ZDHHC14: variants seen among roughly 807,000 people sequenced by gnomAD.
ZDHHC14 encodes zDHHC palmitoyltransferase 14, also known as palmitoyltransferase ZDHHC14.
In ZDHHC14, 16 loss-of-function variants were observed where a neutral mutation model predicts 47.7. That is an observed-to-expected ratio of 0.34 (90% confidence interval 0.23 to 0.51). ZDHHC14 has a LOEUF of 0.51. ZDHHC14 is among the 20% of genes least tolerant of loss of function. The pLI is 0.97. For missense variants in ZDHHC14, 515 were observed against 662.5 expected, an observed-to-expected ratio of 0.78 and a Z score of 2.44; for synonymous variants, 293 against 278.9, an observed-to-expected ratio of 1.05 and a Z score of -0.50.
At chr6:157,663,063 A>G (rs1219049413) in intron 8 of ZDHHC14, among the ~76,000 whole-genome samples, 1 of 152,214 alleles carries the variant, frequency 6.6e-6, no homozygotes, top group Non-Finnish European at 1.5e-5. Flanking sequence ...ACCAATTACA[A>G]AGTAAGTTGC....
intron 2 of ZDHHC14, among the ~76,000 whole-genome samples, chr6:157,565,568 C>G (rs2114848082): frequency 6.6e-6 from 1 of 152,196 alleles, no homozygotes; most frequent in East Asian, 1.9e-4. Context: ...CCTATAATCC[C>G]AGCACTTTGG....
At chr6:157,658,290 C>T (rs1778192506) in intron 8 of ZDHHC14, among the ~76,000 whole-genome samples, 1 of 152,164 alleles carries the variant, frequency 6.6e-6, no homozygotes, top group Non-Finnish European at 1.5e-5. Context: ...CTCAGTTTTC[C>T]TCATCTGCAA....
At chr6:157,584,218 C>G (rs377659197) in intron 2 of ZDHHC14, among the ~76,000 whole-genome samples, 4 of 152,260 alleles carry the variant, frequency 2.6e-5, no homozygotes, top group African/African-American at 7.2e-5. Flanking sequence ...GGAGGCTGCA[C>G]TGCTGGCCTG....
Position 157,672,888 on chromosome 6 carries a change from G to T in ZDHHC14, c.1233G>T (p.Pro411=), listed in dbSNP as rs201858513. 17 of 1,605,786 alleles carry T rather than the reference G, an allele frequency of 1.1e-5. No individual in the cohort carries two copies. The highest frequency in any genetic ancestry group is 1.4e-5 in the Non-Finnish European group (17 of 1,177,544). The stretch of plus-strand genomic sequence containing the variant: ...GCCTCACACTGGGCCCGCCCACACC[G>T]CCCGCCTCCATGCCCAACCTCGCCG... The part of the protein sequence containing the change: ...CASLTLGPPT[P]PASMPNLAEA... The change falls in exon 9 of 9, where the codon CCG becomes CCT. Residue 411 remains proline (P), a synonymous_variant. Coordinates refer to ENST00000359775, the MANE Select transcript of ZDHHC14 (RefSeq NM_024630.3).
intron 2 of ZDHHC14, among the ~76,000 whole-genome samples, chr6:157,549,073 T>C (rs1782107854): frequency 6.6e-6 from 1 of 152,220 alleles, no homozygotes; most frequent in South Asian, 2.1e-4. Flanking sequence ...GTCCAACACC[T>C]GCCTATCTGA....
At chr6:157,665,722 TA>T (rs1391213624) in intron 8 of ZDHHC14, among the ~76,000 whole-genome samples, 2 of 152,216 alleles carry the variant, frequency 1.3e-5, no homozygotes, top group Non-Finnish European at 2.9e-5. Flanking sequence ...AGGTCTTATT[TA>T]TTATCTCAAA....
At chr6:157,387,349 T>C (rs1163490815) in intron 1 of ZDHHC14, among the ~76,000 whole-genome samples, 2 of 152,230 alleles carry the variant, frequency 1.3e-5, no homozygotes, top group Non-Finnish European at 2.9e-5. Context: ...ACGACGTCTC[T>C]GTTATAGATG....
chr6:157,402,200 G>A (rs2114747725), intron 1 of ZDHHC14, among the ~76,000 whole-genome samples: 1 of 151,776 alleles, frequency 6.6e-6, no homozygotes, highest in Middle Eastern at 3.4e-3. Flanking sequence ...GCAGAAGTGA[G>A]ATGCGCATCT....
At chr6:157,457,168 C>A (rs1778937605) in intron 1 of ZDHHC14, among the ~76,000 whole-genome samples, 1 of 78,504 alleles carries the variant, frequency 1.3e-5, no homozygotes, top group African/African-American at 5.4e-5. Flanking sequence ...GAGTGAAACT[C>A]CATCTAAAAA....
intron 1 of ZDHHC14, among the ~76,000 whole-genome samples, chr6:157,492,869 C>T (rs147419000): frequency 1.2e-4 from 18 of 151,962 alleles, no homozygotes; most frequent in Non-Finnish European, 1.5e-5. Flanking sequence ...AGGCAAGGCG[C>T]GCCCTGGGAG....
chr6:157,516,967 C>T (rs765808155), intron 1 of ZDHHC14, among the ~76,000 whole-genome samples: 1 of 152,164 alleles, frequency 6.6e-6, no homozygotes, highest in Non-Finnish European at 1.5e-5. Context: ...TTTCAGAAAG[C>T]TCTAGCAACA....
At chr6:157,435,687 G>A (rs1778427458) in intron 1 of ZDHHC14, among the ~76,000 whole-genome samples, 2 of 152,042 alleles carry the variant, frequency 1.3e-5, no homozygotes, top group African/African-American at 2.4e-5. Flanking sequence ...CTACAAGTGT[G>A]TGCCCCCATG....
rs142355940 is a variant in ZDHHC14, at chr6:157,653,525, C to A, written c.966C>A (p.Ser322Arg). The A allele has an allele frequency of 6.2e-7, 1 of 1,613,658 alleles. No individual in the cohort carries two copies. The highest frequency in any genetic ancestry group is 8.5e-7 in the Non-Finnish European group (1 of 1,179,884). ...CVALCGPISPSLIDRRGYIQP... is the reference protein window; with the variant it reads ...CVALCGPISPRLIDRRGYIQP... ...TGCTGTGTTTTCTTTTCTCTCGCAG[C>A]CTGATCGACAGAAGAGGGTACATCC... Residue 322 changes from serine to arginine, a missense_variant and splice_region_variant, in exon 8 of 9, where the codon AGC becomes AGA. Around this residue, in one of 4 missense-constraint regions of ZDHHC14, gnomAD observed 229 missense variants for 351.5 expected, o/e 0.65. Transcript: ENST00000359775.
At chr6:157,527,810 C>T (rs1781213712) in intron 1 of ZDHHC14, among the ~76,000 whole-genome samples, 1 of 152,184 alleles carries the variant, frequency 6.6e-6, no homozygotes, top group African/African-American at 2.4e-5. Flanking sequence ...TTCTTTAGGG[C>T]TCCAGTTATT....
chr6:157,572,634 T>C (rs555506610), intron 2 of ZDHHC14, among the ~76,000 whole-genome samples: 1 of 126,232 alleles, frequency 7.9e-6, no homozygotes, highest in Non-Finnish European at 1.7e-5. Flanking sequence ...CCTAATGCTA[T>C]CCCTCCCCCC....
At chr6:157,465,859 C>T (rs2006067) in intron 1 of ZDHHC14, among the ~76,000 whole-genome samples, 117,719 of 151,974 alleles carry the variant, frequency 0.77, 45,909 homozygotes, top group East Asian at 0.92. Context: ...CTGGCCCACA[C>T]GGCGAAACCC....
At chr6:157,434,236 AATTCT>A (rs1778396792) in intron 1 of ZDHHC14, among the ~76,000 whole-genome samples, 1 of 149,900 alleles carries the variant, frequency 6.7e-6, no homozygotes, top group Admixed American at 6.6e-5. Flanking sequence ...ATATATATAT[AATTCT>A]TTTATATGTT....
chr6:157,658,956 G>A (rs974000407), intron 8 of ZDHHC14, among the ~76,000 whole-genome samples: 1 of 152,062 alleles, frequency 6.6e-6, no homozygotes, highest in South Asian at 2.1e-4. Flanking sequence ...TTCTCCATGG[G>A]TATTGTTTTG....
chr6:157,473,975 C>G (rs989794314), intron 1 of ZDHHC14, among the ~76,000 whole-genome samples: 2 of 149,258 alleles, frequency 1.3e-5, no homozygotes, highest in African/African-American at 4.9e-5. Context: ...CAACCTATAC[C>G]ATATTTTCTT....
Sources: allele counts gnomAD v4.1 joint callset (sites outside exome capture counted in the v4.1 genomes callset), GRCh38; gene constraint gnomAD v4.1.1; regional missense constraint gnomAD v4.1.1; transcripts MANE v1.5; gene names NCBI Gene and HGNC (gene_info 2026-07-23, HGNC 2026-07-21).